The following PRCP variants were observed in gnomAD, a reference collection of about 807,000 sequenced individuals.
PRCP encodes the protein lysosomal Pro-X carboxypeptidase.
PRCP carries 46 observed loss-of-function variants against 54.2 expected under a neutral mutation model. That is an observed-to-expected ratio of 0.85 (90% CI 0.67 to 1.09). PRCP has a LOEUF of 1.09. Ranked by LOEUF, PRCP falls within the 50% of genes least tolerant of loss-of-function variation. PRCP has a pLI of 0.00. For missense variants in PRCP, 613 were observed against 596.8 expected (o/e 1.03, Z -0.28); for synonymous variants, 240 against 212.2 (o/e 1.13, Z -1.14).
In PRCP at chr11:82,825,078, T is replaced by C. The variant is rs1184607689; in HGVS notation, c.1319A>G (p.Asp440Gly). ...DPWSGGGVTKDITDTLVAVTI... is the reference protein window; with the variant it reads ...DPWSGGGVTKGITDTLVAVTI... The stretch of plus-strand genomic sequence containing the variant: ...GACTGCAACCAGAGTGTCTGTGATA[T>C]CCTTAGTTACTCCACCTCCTGACCA... The change falls in exon 9 of 9, where the codon GAT (aspartate) becomes GGT (glycine). Residue 440 changes from aspartate to glycine, a missense_variant. By Grantham distance (94) the Asp-to-Gly change is moderately conservative. Coordinates refer to ENST00000313010, the MANE Select transcript of PRCP (RefSeq NM_005040.4). The C allele has an allele frequency of 1.2e-6, 2 of 1,614,048 alleles. 1 individual carries two copies. The highest frequency in any genetic ancestry group is 4.5e-5 in the East Asian group (2 of 44,864).
intron 1 of PRCP, 110 bp downstream of exon 1, chr11:82,900,125 C>A: frequency 7.3e-7 from 1 of 1,378,168 alleles, no homozygotes; most frequent in Non-Finnish European, 1.0e-6. Flanking sequence ...CCGAACAGAT[C>A]CTAGGCATCA....
At chr11:82,882,964 TC>T (rs1273361531) in intron 1 of PRCP, among the ~76,000 whole-genome samples, 2 of 152,002 alleles carry the variant, frequency 1.3e-5, no homozygotes, top group Non-Finnish European at 2.9e-5. Context: ...TAGCTTCTGT[TC>T]CCACTGGCCA....
chr11:82,892,537 C>A (rs912916520), intron 1 of PRCP, among the ~76,000 whole-genome samples: 2 of 152,120 alleles, frequency 1.3e-5, no homozygotes, highest in Non-Finnish European at 2.9e-5. Context: ...TACCAAAGCA[C>A]ACTTAAGATT....
At chr11:82,859,594 G>T (rs1222110600) in intron 2 of PRCP, among the ~76,000 whole-genome samples, 2 of 151,906 alleles carry the variant, frequency 1.3e-5, no homozygotes, top group African/African-American at 4.8e-5. Context: ...AACAAGCTGA[G>T]ATTTTATAAA....
chr11:82,838,334 A>T, intron 8 of PRCP, 53 bp downstream of exon 8: 2 of 1,499,714 alleles, frequency 1.3e-6, no homozygotes, highest in Non-Finnish European at 9.1e-7. Flanking sequence ...TTTTTCAGAT[A>T]TTCTACAAAT....
At chr11:82,843,605 C>T (rs1858728131) in intron 6 of PRCP, among the ~76,000 whole-genome samples, 1 of 121,118 alleles carries the variant, frequency 8.3e-6, no homozygotes, top group Admixed American at 8.7e-5. Flanking sequence ...TACTCAACAC[C>T]CAGGTATCCC....
intron 1 of PRCP, among the ~76,000 whole-genome samples, chr11:82,861,014 A>G (rs1859195943): frequency 6.6e-6 from 1 of 152,184 alleles, no homozygotes; most frequent in Non-Finnish European, 1.5e-5. Flanking sequence ...AACAAAAACA[A>G]ATTAAACATA....
chr11:82,891,854 G>A (rs928460508), intron 1 of PRCP, among the ~76,000 whole-genome samples: 3 of 152,112 alleles, frequency 2.0e-5, no homozygotes, highest in African/African-American at 7.2e-5. Context: ...TATTATTAAC[G>A]CATAAACATT....
chr11:82,882,976 G>A (rs1055532749), intron 1 of PRCP, among the ~76,000 whole-genome samples: 5 of 152,084 alleles, frequency 3.3e-5, no homozygotes, highest in African/African-American at 1.2e-4. Context: ...CCACTGGCCA[G>A]TGTCTATGCC....
chr11:82,882,527 G>C (rs1014571068), intron 1 of PRCP, among the ~76,000 whole-genome samples: 6 of 133,672 alleles, frequency 4.5e-5, no homozygotes, highest in East Asian at 2.1e-4. Flanking sequence ...ACGGAGTCTC[G>C]CTCTGTCGCC....
At chr11:82,850,297 G>T in intron 4 of PRCP, 27 bp downstream of exon 4, 1 of 1,405,474 alleles carries the variant, frequency 7.1e-7, no homozygotes, top group South Asian at 1.8e-5. Flanking sequence ...ATTAAGAAAC[G>T]TTCATGTCCA....
chr11:82,854,798 C>T (rs1591051640), intron 2 of PRCP, among the ~76,000 whole-genome samples: 1 of 152,286 alleles, frequency 6.6e-6, no homozygotes, highest in South Asian at 2.1e-4. Context: ...ATAACCAAAA[C>T]ATCAGGTACT....
intron 8 of PRCP, chr11:82,829,228 A>G (rs1858318474): frequency 1.3e-5 from 2 of 152,196 alleles, no homozygotes; most frequent in East Asian, 3.8e-4. Flanking sequence ...AAATGCTCCA[A>G]GTTTTCCCAT....
At chr11:82,898,478 T>C (rs1860168981) in intron 1 of PRCP, among the ~76,000 whole-genome samples, 1 of 152,204 alleles carries the variant, frequency 6.6e-6, no homozygotes, top group Non-Finnish European at 1.5e-5. Flanking sequence ...CCCAATCCAA[T>C]AGTCCTCCCC....
Position 82,839,301 on chromosome 11 carries a change from GTC to G in PRCP, c.1044_1045del (p.Glu348AspfsTer4), listed in dbSNP as rs1565219102. 1 of 1,613,962 alleles carries G rather than the reference GTC, an allele frequency of 6.2e-7. No homozygotes were observed. The highest frequency in any genetic ancestry group is 1.7e-5 in the Admixed American group (1 of 60,018). Reference sequence around the variant, plus strand: ...CAGTGTTCCCAGACTGCTAGTTGCTGTCTCTGAAATATTCAGGCATTTCACCT... The same window carrying G: ...CAGTGTTCCCAGACTGCTAGTTGCTGTCTGAAATATTCAGGCATTTCACCT... On this transcript the variant is annotated frameshift_variant, in exon 7 of 9. Coordinates refer to ENST00000313010, the MANE Select transcript of PRCP (RefSeq NM_005040.4). LOFTEE classifies it high-confidence loss of function.
At chr11:82,888,019 G>T (rs1308743801) in intron 1 of PRCP, among the ~76,000 whole-genome samples, 2 of 152,080 alleles carry the variant, frequency 1.3e-5, no homozygotes, top group Non-Finnish European at 2.9e-5. Flanking sequence ...AGTTTCCCCT[G>T]AGTTTTTTGG....
intron 2 of PRCP, among the ~76,000 whole-genome samples, chr11:82,856,484 A>G (rs1859083895): frequency 6.6e-6 from 1 of 152,224 alleles, no homozygotes; most frequent in African/African-American, 2.4e-5. Context: ...ACATGGACAC[A>G]AAGAGGGGAA....
At position 82,860,149 on chromosome 11, in the gene PRCP, A is replaced by G. The variant is rs1351581458; in HGVS notation, c.169-32T>C. ...TAAAAACAAAACAAAACATATTTCA[A>G]AGGAAAGTAATAAAATGAGATCAAC... On this transcript the variant is annotated intron_variant, in intron 1 of 8. Transcript: ENST00000313010. 2.9e-6 allele frequency: 4 copies of G among 1,387,318 alleles called. No homozygotes were observed. In the South Asian group the frequency reaches 6.3e-5, roughly 22 times the overall value. The allele number at this position is 1,387,318 out of a possible 1,614,324, so 85.9% of individuals were successfully genotyped here. A position where few individuals can be genotyped will look rare whatever the true frequency, so the allele number is the denominator to read the frequency against.
At position 82,839,319 on chromosome 11, in the gene PRCP, C is replaced by A. The variant is rs1250599127; in HGVS notation, c.1028G>T (p.Cys343Phe). ...VYYNYSGQVK[C>F]LNISETATSS... Reference sequence around the variant, plus strand: ...AGTTGCTGTCTCTGAAATATTCAGGCATTTCACCTGGCCCGAATAATTGTA... The same window carrying A: ...AGTTGCTGTCTCTGAAATATTCAGGAATTTCACCTGGCCCGAATAATTGTA... Residue 343 changes from cysteine to phenylalanine, a missense_variant, in exon 7 of 9, where the codon TGC becomes TTC. Coordinates refer to ENST00000313010, the MANE Select transcript of PRCP (RefSeq NM_005040.4). The A allele has an allele frequency of 6.2e-7, 1 of 1,614,052 alleles. No individual in the cohort carries two copies. Among genetic ancestry groups the A allele is most frequent in the Non-Finnish European group, 8.5e-7 (1 of 1,179,964 alleles).
Sources: allele counts gnomAD v4.1 joint callset (sites outside exome capture counted in the v4.1 genomes callset), GRCh38; gene constraint gnomAD v4.1.1; transcripts MANE v1.5; gene names NCBI Gene and HGNC (gene_info 2026-07-23, HGNC 2026-07-21).